The following TRDN variants were observed in gnomAD, a reference collection of about 807,000 sequenced individuals.
TRDN encodes triadin, also known as triadin in skeletal muscle.
In TRDN, 161 loss-of-function variants were observed where a neutral mutation model predicts 149.7. That is an observed-to-expected ratio of 1.08 (90% CI 0.95 to 1.23). The LOEUF is 1.23. Ranked by LOEUF, TRDN falls within the 50% of genes most tolerant of loss-of-function variation. TRDN has a pLI of 0.00. For synonymous variants in TRDN, 294 were observed against 250.5 expected, an observed-to-expected ratio of 1.17 and a Z score of -1.64; for missense variants, 896 against 823.5, an observed-to-expected ratio of 1.09 and a Z score of -1.08.
At chr6:123,500,664 C>A (rs757019027) in intron 8 of TRDN, among the ~76,000 whole-genome samples, 1 of 152,062 alleles carries the variant, frequency 6.6e-6, no homozygotes, top group Non-Finnish European at 1.5e-5. Context: ...CTTCTTGATT[C>A]TCAGGAAGCA....
intron 10 of TRDN, chr6:123,457,595 T>A: frequency 9.0e-6 from 4 of 444,304 alleles, no homozygotes; most frequent in South Asian, 6.6e-5. Flanking sequence ...TGTCACCTAT[T>A]TGTTTTTGTG....
intron 21 of TRDN, among the ~76,000 whole-genome samples, chr6:123,347,009 A>G (rs1338226391): frequency 6.6e-6 from 1 of 151,972 alleles, no homozygotes; most frequent in Admixed American, 6.6e-5. Flanking sequence ...ACATAAGAAT[A>G]CCATGGAGTG....
At chr6:123,256,669 T>C (rs1054953747) in intron 35 of TRDN, among the ~76,000 whole-genome samples, 2 of 151,986 alleles carry the variant, frequency 1.3e-5, no homozygotes, top group African/African-American at 4.8e-5. Flanking sequence ...GTTGTGTGTT[T>C]TTTTTTTCTT....
intron 1 of TRDN, among the ~76,000 whole-genome samples, chr6:123,605,503 T>G (rs537209597): frequency 1.0e-4 from 15 of 150,746 alleles, no homozygotes; most frequent in South Asian, 4.2e-4. Context: ...AAGATGTTTT[T>G]GGGCCAGGCG....
intron 10 of TRDN, among the ~76,000 whole-genome samples, chr6:123,447,828 A>T (rs1775485466): frequency 6.6e-6 from 1 of 152,124 alleles, no homozygotes; most frequent in Non-Finnish European, 1.5e-5. Context: ...TGCAAGAACA[A>T]ATCAGCAATC....
chr6:123,294,622 C>A (rs765516151), intron 24 of TRDN, among the ~76,000 whole-genome samples: 1 of 152,152 alleles, frequency 6.6e-6, no homozygotes, highest in Non-Finnish European at 1.5e-5. Context: ...TTTAATGCTG[C>A]TGTTAATCTA....
At chr6:123,525,029 T>C (rs1409048623) in intron 5 of TRDN, among the ~76,000 whole-genome samples, 1 of 152,128 alleles carries the variant, frequency 6.6e-6, no homozygotes, top group Admixed American at 6.6e-5. Context: ...TCATTCAGAA[T>C]GGTTACTATT....
chr6:123,218,544 G>T lies in TRDN; in HGVS notation c.*57C>A. ...ATTCTTAATTGCCTGAACTACTGTG[G>T]ACAAAACATCACATTTTTAAAATCT... is the stretch of plus-strand genomic sequence containing the variant. On this transcript the variant is annotated 3_prime_UTR_variant, in exon 41 of 41. Coordinates refer to ENST00000334268, the MANE Select transcript of TRDN (RefSeq NM_006073.4). 1 of 1,557,744 alleles carries T rather than the reference G, an allele frequency of 6.4e-7. No homozygotes were observed.
intron 5 of TRDN, among the ~76,000 whole-genome samples, chr6:123,516,503 A>T (rs987925918): frequency 2.8e-4 from 43 of 152,230 alleles, no homozygotes; most frequent in African/African-American, 9.4e-4. Context: ...GGAAAATTTT[A>T]AAAAATTATT....
chr6:123,447,889 C>T (rs1775488838), intron 10 of TRDN, among the ~76,000 whole-genome samples: 1 of 152,136 alleles, frequency 6.6e-6, no homozygotes, highest in Non-Finnish European at 1.5e-5. Flanking sequence ...TCTGCAGGAC[C>T]TGGGAGTCAC....
chr6:123,575,686 C>T (rs1272116434), intron 1 of TRDN, among the ~76,000 whole-genome samples: 2 of 151,926 alleles, frequency 1.3e-5, no homozygotes, highest in African/African-American at 2.4e-5. Flanking sequence ...AATGGCCATG[C>T]GACTCTTTCC....
At chr6:123,298,221 T>C (rs929838483) in intron 24 of TRDN, among the ~76,000 whole-genome samples, 1 of 152,118 alleles carries the variant, frequency 6.6e-6, no homozygotes, top group African/African-American at 2.4e-5. Flanking sequence ...CCATCTCTAT[T>C]GTCCATAGAG....
chr6:123,415,813 T>G (rs1485437397), intron 12 of TRDN, among the ~76,000 whole-genome samples: 1 of 152,206 alleles, frequency 6.6e-6, no homozygotes, highest in East Asian at 1.9e-4. Context: ...TTGCATATAC[T>G]GTATAGACAA....
At chr6:123,470,213 CT>C (rs1777076965) in intron 9 of TRDN, 1 of 152,028 alleles carries the variant, frequency 6.6e-6, no homozygotes. Context: ...ATATATAGGA[CT>C]TCCTCTGAGG....
intron 5 of TRDN, among the ~76,000 whole-genome samples, chr6:123,521,528 T>C (rs1303535756): frequency 6.6e-6 from 1 of 152,064 alleles, no homozygotes; most frequent in Non-Finnish European, 1.5e-5. Flanking sequence ...GAGAGAGGCA[T>C]GGAACAGATT....
chr6:123,431,911 A>G (rs557748282), intron 12 of TRDN, among the ~76,000 whole-genome samples: 3 of 152,318 alleles, frequency 2.0e-5, no homozygotes, highest in South Asian at 4.1e-4. Flanking sequence ...GCTTCTGTAA[A>G]GGACTCTTTG....
intron 16 of TRDN, among the ~76,000 whole-genome samples, chr6:123,379,295 T>C (rs1347006314): frequency 1.3e-5 from 2 of 152,162 alleles, no homozygotes; most frequent in African/African-American, 2.4e-5. Flanking sequence ...ATGAGCAACT[T>C]ATCCTCTTTT....
intron 10 of TRDN, chr6:123,464,526 G>T: frequency 2.0e-6 from 2 of 1,004,086 alleles, no homozygotes; most frequent in Non-Finnish European, 2.4e-6. Flanking sequence ...CTAGGAAAAG[G>T]TGGAGCTCAG....
At chr6:123,450,886 A>G (rs1775728724) in intron 10 of TRDN, among the ~76,000 whole-genome samples, 1 of 152,150 alleles carries the variant, frequency 6.6e-6, no homozygotes, top group Admixed American at 6.5e-5. Context: ...GAAAACTGAA[A>G]TTATATCAAG....
Sources: allele counts gnomAD v4.1 joint callset (sites outside exome capture counted in the v4.1 genomes callset), GRCh38; gene constraint gnomAD v4.1.1; transcripts MANE v1.5; gene names NCBI Gene and HGNC (gene_info 2026-07-23, HGNC 2026-07-21).